The following TNFRSF19 variants were observed in gnomAD, a reference collection of about 807,000 sequenced individuals.
TNFRSF19 encodes the protein tumor necrosis factor receptor superfamily member 19.
Under a neutral mutation model 46.4 loss-of-function variants are expected in TNFRSF19, and 27 were observed. The observed-to-expected ratio is 0.58, with a 90% CI of 0.43 to 0.80. The LOEUF (loss-of-function observed/expected upper bound fraction) is 0.80, where lower values mean the gene tolerates loss of function less well. Among genes scored for constraint, TNFRSF19 ranks in the 30% least tolerant of loss-of-function variants. The pLI, the probability that TNFRSF19 is intolerant of heterozygous loss-of-function variation, is 0.00. For synonymous variants in TNFRSF19, 204 were observed against 205.0 expected (o/e 1.00, Z 0.04); for missense variants, 511 against 530.8 (o/e 0.96, Z 0.37).
At position 23,640,459 on chromosome 13, in the gene TNFRSF19, G is replaced by A. The variant is rs78305393; in HGVS notation, c.445+13667G>A. On this transcript the variant is annotated intron_variant, in intron 5 of 9. Transcript: ENST00000248484. ...AACCTGTACCCAGCTTTGAGTGAGA[G>A]TGTGGTTCTCTCTAGTTAAAACTAA... is the stretch of plus-strand genomic sequence containing the variant. 7.4e-3 allele frequency among the ~76,000 whole-genome samples: 1,125 copies of A among 152,278 alleles called. 14 individuals carry two copies. The highest frequency in any genetic ancestry group is 0.026 in the African/African-American group (1,079 of 41,538).
chr13:23,673,352 C>T lies in TNFRSF19; in HGVS notation c.1246-20C>T, dbSNP rs1354093476. 3 of 1,596,036 alleles carry T rather than the reference C, an allele frequency of 1.9e-6. No homozygotes were observed. The highest frequency in any genetic ancestry group is 1.7e-5 in the Admixed American group (1 of 58,032). On this transcript the variant is annotated intron_variant, in intron 9 of 9. Transcript: ENST00000248484. ...TTGTAAGACATTATTTCTAAAGCTT[C>T]CTTTCTGTTGCTGTTTTAGGAAGCT...
chr13:23,606,248 A>C (rs1056625446), intron 3 of TNFRSF19, among the ~76,000 whole-genome samples: 3 of 152,206 alleles, frequency 2.0e-5, no homozygotes, highest in Middle Eastern at 3.2e-3. Context: ...ATAAGGATTG[A>C]AAGAGCTGTC....
chr13:23,652,681 C>T (rs1038268086), intron 5 of TNFRSF19, among the ~76,000 whole-genome samples: 1 of 152,214 alleles, frequency 6.6e-6, no homozygotes, highest in African/African-American at 2.4e-5. Context: ...TTTCCATCTG[C>T]ATTGTCATTA....
rs1368404175 is a variant in TNFRSF19, at chr13:23,668,826, C to T, written c.974C>T (p.Ser325Phe). The T allele has an allele frequency of 6.2e-7, 1 of 1,614,246 alleles. No homozygotes were observed. ...MGGDNISFCD[S>F]YPELTGEDIH... Reference sequence around the variant, plus strand: ...GGTGACAACATCTCTTTTTGTGACTCTTATCCTGAACTCACTGGAGAAGAC... The same window carrying T: ...GGTGACAACATCTCTTTTTGTGACTTTTATCCTGAACTCACTGGAGAAGAC... Residue 325 changes from serine (S) to phenylalanine (F), a missense_variant, in exon 9 of 10, where the codon TCT (serine) becomes TTT (phenylalanine). Transcript: ENST00000248484.
chr13:23,584,692 A>G (rs1878699645), intron 1 of TNFRSF19, among the ~76,000 whole-genome samples: 1 of 151,648 alleles, frequency 6.6e-6, no homozygotes, highest in Non-Finnish European at 1.5e-5. Flanking sequence ...GGAGAATTGG[A>G]GATACTGTAT....
chr13:23,601,601 A>C (rs1242165640), intron 3 of TNFRSF19, among the ~76,000 whole-genome samples: 1 of 152,214 alleles, frequency 6.6e-6, no homozygotes, highest in Non-Finnish European at 1.5e-5. Context: ...TTCTTAATTG[A>C]TGTAATAGAT....
intron 2 of TNFRSF19, among the ~76,000 whole-genome samples, chr13:23,590,702 T>C (rs1001482627): frequency 2.6e-5 from 4 of 152,258 alleles, no homozygotes; most frequent in Non-Finnish European, 4.4e-5. Context: ...TTTATTATTT[T>C]TGCATGTAAT....
chr13:23,626,728 TGTC>T lies in TNFRSF19; in HGVS notation c.383_385del (p.Val128del). ...CTAGATTTTATAGGAAGACGAAACT[TGTC>T]GGCTTTCAAGACATGGAGTGTGTGC... On this transcript the variant is annotated inframe_deletion, in exon 5 of 10. Transcript: ENST00000248484. 1 of 1,614,194 alleles carries T rather than the reference TGTC, an allele frequency of 6.2e-7. No individual in the cohort carries two copies. Among genetic ancestry groups the T allele is most frequent in the Non-Finnish European group, 8.5e-7 (1 of 1,180,022 alleles).
intron 1 of TNFRSF19, among the ~76,000 whole-genome samples, chr13:23,588,430 T>C (rs912968540): frequency 2.0e-5 from 3 of 152,206 alleles, no homozygotes; most frequent in African/African-American, 7.2e-5. Context: ...AAGAAATGCT[T>C]CACAATTTGT....
At chr13:23,617,818 A>G (rs1881405482) in intron 4 of TNFRSF19, among the ~76,000 whole-genome samples, 1 of 152,232 alleles carries the variant, frequency 6.6e-6, no homozygotes, top group Non-Finnish European at 1.5e-5. Flanking sequence ...TTCAGGCAAG[A>G]TCACCTAACC....
At chr13:23,589,965 CATA>C (rs1028565467) in intron 1 of TNFRSF19, among the ~76,000 whole-genome samples, 182 bp from the exon 2 acceptor site, 20 of 152,222 alleles carry the variant, frequency 1.3e-4, no homozygotes, top group African/African-American at 4.8e-4. Context: ...CTTCAATTCT[CATA>C]ATATGAGTTA....
At chr13:23,579,640 G>C (rs1306360539) in intron 1 of TNFRSF19, 1 of 152,372 alleles carries the variant, frequency 6.6e-6, no homozygotes, top group Admixed American at 6.5e-5. Flanking sequence ...CCCTAGGGAG[G>C]GAGGAGCGCA....
chr13:23,623,312 A>AT (rs1290363787), intron 4 of TNFRSF19, among the ~76,000 whole-genome samples: 1 of 152,164 alleles, frequency 6.6e-6, no homozygotes, highest in Non-Finnish European at 1.5e-5. Flanking sequence ...GACTAATAAT[A>AT]TTTCATTCTG....
Position 23,590,163 on chromosome 13 carries a change from T to G in TNFRSF19, c.-21T>G. 1.3e-6 allele frequency: 2 copies of G among 1,536,330 alleles called. No homozygotes were observed. Among genetic ancestry groups the G allele is most frequent in the South Asian group, 1.2e-5 (1 of 84,580 alleles). ...TCTTTTATTTAGAACTCTCCAACAA[T>G]AAATACATTTGATAAGAAAGATGGC... On this transcript the variant is annotated 5_prime_UTR_variant, in exon 2 of 10. Coordinates refer to ENST00000248484, the MANE Select transcript of TNFRSF19 (RefSeq NM_148957.4).
At chr13:23,616,820 C>T (rs1881330321) in intron 4 of TNFRSF19, among the ~76,000 whole-genome samples, 1 of 152,154 alleles carries the variant, frequency 6.6e-6, no homozygotes, top group Non-Finnish European at 1.5e-5. Flanking sequence ...CTCAGGTGAT[C>T]TGCCTGCCTC....
rs147110068 is a variant in TNFRSF19, at chr13:23,660,486, C to T, written c.732C>T (p.Thr244=). The stretch of plus-strand genomic sequence containing the variant: ...AGTGCCGCCGTGACTCAGTGCAGAC[C>T]TGCGGTAAGTTCAGCAGGGAAGTGC... ...CCQCRRDSVQ[T]CGPVRLLPSM... The change falls in exon 7 of 10, where the codon ACC becomes ACT. Residue 244 remains threonine, a synonymous_variant. Coordinates refer to ENST00000248484, the MANE Select transcript of TNFRSF19 (RefSeq NM_148957.4). 2.5e-6 allele frequency: 4 copies of T among 1,612,836 alleles called. No individual in the cohort carries two copies. The highest frequency in any genetic ancestry group is 3.4e-6 in the Non-Finnish European group (4 of 1,179,914).
At position 23,666,410 on chromosome 13, in the gene TNFRSF19, G is replaced by T. The variant is rs1010734623; in HGVS notation, c.737-1570G>T. On this transcript the variant is annotated intron_variant, in intron 7 of 9. Coordinates refer to ENST00000248484, the MANE Select transcript of TNFRSF19 (RefSeq NM_148957.4). ...CTTCCTATGGTAAGGAGGAACTTTC[G>T]TTCTCCATTTATGTATTTATATACC... Among the ~76,000 whole-genome samples, 33 of 152,114 alleles carry T rather than the reference G, an allele frequency of 2.2e-4. 2 individuals are homozygous for T. Among genetic ancestry groups the T allele is most frequent in the Admixed American group, 2.1e-3 (32 of 15,274 alleles).
chr13:23,605,263 C>T (rs922839397), intron 3 of TNFRSF19, among the ~76,000 whole-genome samples: 4 of 152,134 alleles, frequency 2.6e-5, no homozygotes, highest in African/African-American at 9.7e-5. Flanking sequence ...CGCGATATCA[C>T]CGTACACCTA....
intron 7 of TNFRSF19, among the ~76,000 whole-genome samples, chr13:23,664,383 T>C (rs1295538560): frequency 3.3e-5 from 5 of 152,124 alleles, no homozygotes; most frequent in Non-Finnish European, 5.9e-5. Context: ...CAACTTTCTT[T>C]GCTATGTATT....
Sources: allele counts gnomAD v4.1 joint callset (sites outside exome capture counted in the v4.1 genomes callset), GRCh38; gene constraint gnomAD v4.1.1; transcripts MANE v1.5; gene names NCBI Gene and HGNC (gene_info 2026-07-23, HGNC 2026-07-21).